The following PCNX3 variants were observed in gnomAD, a reference collection of about 807,000 sequenced individuals.
PCNX3 encodes the protein pecanex-like protein 3.
In PCNX3, 58 loss-of-function variants were observed where a neutral mutation model predicts 207.2. That is an observed-to-expected ratio of 0.28 (90% CI 0.23 to 0.35). The LOEUF (loss-of-function observed/expected upper bound fraction) is 0.35. PCNX3 is among the 10% of genes least tolerant of loss of function. The pLI, the probability that PCNX3 is intolerant of heterozygous loss-of-function variation, is 1.00. For missense variants in PCNX3, 2,410 were observed against 2,774.4 expected (o/e 0.87, Z 2.95); for synonymous variants, 1,337 against 1,183.5 (o/e 1.13, Z -2.66).
At position 65,616,198 on chromosome 11, in the gene PCNX3, T is replaced by A. The variant is rs2135388396; in HGVS notation, c.-114T>A. ...CCCCCTCCCCCGCTGGGGGAGGCCA[T>A]GGCGTGAGCGTGAGGCCGGGCCCCG... On this transcript the variant is annotated 5_prime_UTR_variant, in exon 1 of 35. An upstream start codon of the reference 5' UTR is lost. Coordinates refer to ENST00000355703, the MANE Select transcript of PCNX3 (RefSeq NM_032223.4). 1.2e-6 allele frequency: 1 copy of A among 826,946 alleles called. No individual in the cohort carries two copies. Among genetic ancestry groups the A allele is most frequent in the Middle Eastern group, 4.0e-4 (1 of 2,530 alleles). The allele number at this position is 826,946 out of a possible 1,614,324, so 51.2% of individuals were successfully genotyped here.
rs764635633 is a variant in PCNX3 at position 65,625,363 on chromosome 11, G to T, written c.3030-42G>T. The T allele has an allele frequency of 1.1e-5, 18 of 1,594,668 alleles. No homozygotes were observed. Among genetic ancestry groups the T allele is most frequent in the Non-Finnish European group, 1.5e-5 (18 of 1,172,450 alleles). ...CATGTGCCCGTGACTGGGGCCGGGG[G>T]GAAGGAGGGGCGGCCTCCTCCTGAC... On this transcript the variant is annotated intron_variant, in intron 17 of 34. Coordinates refer to ENST00000355703, the MANE Select transcript of PCNX3 (RefSeq NM_032223.4). The surrounding 1 kb of genome is among the most constrained non-coding windows in gnomAD (Gnocchi z 5.6).
chr11:65,618,521 G>A lies in PCNX3; in HGVS notation c.1159G>A (p.Ala387Thr), dbSNP rs990520955. ...CCTGGTCGTGCGGCCCAAGGACTTG[G>A]CCCTGCTACGGCCTAGCAAACGGCA... ...PLLVVRPKDL[A>T]LLRPSKRQPP... The change falls in exon 6 of 35, where the codon GCC (alanine) becomes ACC (threonine). Residue 387 changes from alanine to threonine, a missense_variant. By Grantham distance (58) the Ala-to-Thr change is moderately conservative. This residue lies in a region of PCNX3 where 1,104 missense variants were observed against 970.3 expected (regional missense o/e 1.14). Coordinates refer to ENST00000355703, the MANE Select transcript of PCNX3 (RefSeq NM_032223.4). The A allele has an allele frequency of 4.3e-6, 7 of 1,611,196 alleles. No individual in the cohort carries two copies. Among genetic ancestry groups the A allele is most frequent in the Non-Finnish European group, 5.9e-6 (7 of 1,179,224 alleles).
intron 12 of PCNX3, 130 bp downstream of exon 12, chr11:65,623,774 G>A (rs2135434234): frequency 2.0e-6 from 3 of 1,521,196 alleles, no homozygotes; most frequent in Middle Eastern, 1.7e-4. Context: ...GAGCTGGCCA[G>A]CTCTTTTACA....
intron 20 of PCNX3, chr11:65,626,687 A>G: frequency 3.3e-6 from 2 of 613,538 alleles, no homozygotes. Flanking sequence ...AGCAGAGCAG[A>G]GCACCTGCCA....
In PCNX3 at chr11:65,630,436, C is replaced by T; in HGVS notation, c.4302C>T (p.His1434=). ...GCTGTTGCTGCTGTGAACCTGGCCA[C>T]CTGCCACGGGTCCTGTCCTTCAATG... The part of the protein sequence containing the change: ...DEGCCCCEPG[H]LPRVLSFNAA... The change falls in exon 27 of 35, where the codon CAC becomes CAT. Residue 1434 remains histidine (H), a synonymous_variant. Transcript: ENST00000355703. The T allele has an allele frequency of 1.9e-6, 3 of 1,613,638 alleles. No individual in the cohort carries two copies. The highest frequency in any genetic ancestry group is 2.5e-6 in the Non-Finnish European group (3 of 1,179,906).
rs1434914715 is a variant in PCNX3 at position 65,623,555 on chromosome 11, T to C, written c.2422T>C (p.Tyr808His). 6.2e-7 allele frequency: 1 copy of C among 1,613,864 alleles called. No homozygotes were observed. Among genetic ancestry groups the C allele is most frequent in the Non-Finnish European group, 8.5e-7 (1 of 1,179,874 alleles). The change falls in exon 12 of 35, where the codon TAC (tyrosine) becomes CAC (histidine). Residue 808 changes from tyrosine (Y) to histidine (H), a missense_variant. Around this residue, in one of 8 missense-constraint regions of PCNX3, gnomAD observed 177 missense variants for 257.5 expected, o/e 0.69. Transcript: ENST00000355703. ...GAGCAGCCTTGTGGCCTTCCTGGGC[T>C]ACCTGCTGCTGCTCAAGGGCTTCTT... Reference protein sequence around the residue: ...GLSSLVAFLGYLLLLKGFFTD... With the variant: ...GLSSLVAFLGHLLLLKGFFTD...
intron 26 of PCNX3, 139 bp from the exon 27 acceptor site, chr11:65,630,212 G>T (rs1044424562): frequency 4.8e-6 from 6 of 1,263,114 alleles, no homozygotes; most frequent in Non-Finnish European, 6.4e-6. Context: ...GTGAATCTTG[G>T]CATCCAATAA....
intron 20 of PCNX3, chr11:65,626,639 G>A (rs1470489408): frequency 1.7e-5 from 9 of 531,456 alleles, no homozygotes; most frequent in Non-Finnish European, 3.1e-5. Flanking sequence ...CTGTACGTAG[G>A]TGTTTGCGAT....
Position 65,625,298 on chromosome 11 carries a change from C to G in PCNX3, c.3029+18C>G, listed in dbSNP as rs201896344. The G allele has an allele frequency of 2.5e-6, 4 of 1,599,550 alleles. No homozygotes were observed. Among genetic ancestry groups the G allele is most frequent in the East Asian group, 4.5e-5 (2 of 44,802 alleles). ...GTGCTCTGGTGGGTGTGCTCCGGGT[C>G]GTGTGTTTGTGTCTGCCCAGTAGGG... On this transcript the variant is annotated intron_variant, in intron 17 of 34. Coordinates refer to ENST00000355703, the MANE Select transcript of PCNX3 (RefSeq NM_032223.4). This position sits in a 1 kb window ranked among gnomAD's most constrained non-coding sequence, Gnocchi z 5.6.
At chr11:65,621,177 T>TA in intron 10 of PCNX3, among the ~76,000 whole-genome samples, 1 of 152,320 alleles carries the variant, frequency 6.6e-6, no homozygotes, top group Admixed American at 6.5e-5. Flanking sequence ...TTTATTTGCT[T>TA]ACTACGAATT....
Position 65,619,575 on chromosome 11 carries a change from G to A in PCNX3, c.1744G>A (p.Val582Met), listed in dbSNP as rs774792960. ...TGGCAGGCGGGACCGCTCAAGCAGT[G>A]TGAGGCGGACCCAGGCCATTCGGAG... Reference protein sequence around the residue: ...ETGRRDRSSSVRRTQAIRRRH... With the variant: ...ETGRRDRSSSMRRTQAIRRRH... The change falls in exon 7 of 35, where the codon GTG becomes ATG. Residue 582 changes from valine to methionine, a missense_variant. Around this residue, in one of 8 missense-constraint regions of PCNX3, gnomAD observed 1,104 missense variants for 970.3 expected, o/e 1.14. Transcript: ENST00000355703. 2.1e-5 allele frequency: 34 copies of A among 1,609,576 alleles called. No homozygotes were observed. Among genetic ancestry groups the A allele is most frequent in the Non-Finnish European group, 2.8e-5 (33 of 1,179,364 alleles).
Position 65,629,571 on chromosome 11 carries a change from C to T in PCNX3, c.4052C>T (p.Ser1351Leu), listed in dbSNP as rs769236840. ...ATCTTCTATGAGCACTTGACACGTT[C>T]GCTGCAGCACACACTGTGTGGGGAC... ...NSIFYEHLTR[S>L]LQHTLCGDLV... The change falls in exon 26 of 35, where the codon TCG (serine) becomes TTG (leucine). Residue 1351 changes from serine to leucine, a missense_variant. Ser to Leu is a moderately radical substitution (Grantham distance 145). Coordinates refer to ENST00000355703, the MANE Select transcript of PCNX3 (RefSeq NM_032223.4). 6.2e-6 allele frequency: 10 copies of T among 1,613,366 alleles called. No individual in the cohort carries two copies. The highest frequency in any genetic ancestry group is 2.2e-5 in the East Asian group (1 of 44,880).
At chr11:65,630,911 A>C (rs1295212440) in intron 27 of PCNX3, among the ~76,000 whole-genome samples, 1 of 152,240 alleles carries the variant, frequency 6.6e-6, no homozygotes, top group African/African-American at 2.4e-5. Context: ...CAGCTCACCC[A>C]GCACAGAGCA....
chr11:65,630,872 C>T (rs1210088200), intron 27 of PCNX3, among the ~76,000 whole-genome samples: 2 of 152,204 alleles, frequency 1.3e-5, no homozygotes, highest in Non-Finnish European at 2.9e-5. Context: ...TTGCAGAGGC[C>T]AGCCTTTGAA....
Position 65,635,699 on chromosome 11 carries a change from T to C in PCNX3, c.5355T>C (p.Pro1785=). The C allele has an allele frequency of 6.2e-7, 1 of 1,610,634 alleles. No homozygotes were observed. The highest frequency in any genetic ancestry group is 1.3e-5 in the African/African-American group (1 of 74,980). ...TGGGCTACCCCATCTACGTGTCGCC[T>C]CTCACCACCTCGCTGGCTGGCAGCC... ...QPLGYPIYVS[P]LTTSLAGSHP... The change falls in exon 32 of 35, where the codon CCT becomes CCC. Residue 1785 remains proline (P), a synonymous_variant. Transcript: ENST00000355703. This position sits in a 1 kb window ranked among gnomAD's most constrained non-coding sequence, Gnocchi z 9.9.
chr11:65,629,785 G>T lies in PCNX3; in HGVS notation c.4216+50G>T, dbSNP rs142447028. On this transcript the variant is annotated intron_variant, in intron 26 of 34. Coordinates refer to ENST00000355703, the MANE Select transcript of PCNX3 (RefSeq NM_032223.4). ...TGGGCAGGCACAGCTCGGGCCTGAT[G>T]TGGGAGCTGTGTTCAATAGCACGTG... is the stretch of plus-strand genomic sequence containing the variant. 9.3e-3 allele frequency: 14,253 copies of T among 1,527,908 alleles called. 80 individuals carry two copies. The highest frequency in any genetic ancestry group is 0.011 in the Non-Finnish European group (11,891 of 1,130,230). 94.6% of individuals were successfully genotyped at this position (1,527,908 alleles called of 1,614,324 possible). A position where few individuals can be genotyped will look rare whatever the true frequency, so the allele number is the denominator to read the frequency against.
intron 20 of PCNX3, chr11:65,626,634 C>T (rs765825672): frequency 7.7e-6 from 4 of 519,538 alleles, no homozygotes; most frequent in Non-Finnish European, 1.4e-5. Flanking sequence ...GCCTGCTGTA[C>T]GTAGGTGTTT....
intron 2 of PCNX3, 24 bp from the exon 3 acceptor site, chr11:65,617,226 G>C (rs372552322): frequency 5.7e-6 from 9 of 1,578,410 alleles, no homozygotes; most frequent in Non-Finnish European, 6.9e-6. Context: ...TTAGCTCAAA[G>C]CTGCTGCTCT....
chr11:65,628,348 TAAG>T (rs1855486915), intron 22 of PCNX3, among the ~76,000 whole-genome samples: 1 of 152,196 alleles, frequency 6.6e-6, no homozygotes, highest in Admixed American at 6.5e-5. Context: ...GCAATAGGAA[TAAG>T]AAGCTCACAG....
Sources: allele counts gnomAD v4.1 joint callset (sites outside exome capture counted in the v4.1 genomes callset), GRCh38; gene constraint gnomAD v4.1.1; regional missense constraint gnomAD v4.1.1; non-coding constraint Gnocchi (gnomAD v3.1); transcripts MANE v1.5; gene names NCBI Gene and HGNC (gene_info 2026-07-23, HGNC 2026-07-21).